MYO1C: variants seen among roughly 807,000 people sequenced by gnomAD.
MYO1C encodes myosin IC, also known as unconventional myosin-Ic.
MYO1C carries 104 observed loss-of-function variants against 150.8 expected under a neutral mutation model. The ratio of observed to expected loss-of-function variants is 0.69; its 90% CI spans 0.59 to 0.81. The LOEUF is 0.81. Among genes scored for constraint, MYO1C ranks in the 30% least tolerant of loss-of-function variants. The pLI is 0.00. For synonymous variants in MYO1C, 663 were observed against 579.9 expected (o/e 1.14, Z -2.06); for missense variants, 1,504 against 1,435.0 (o/e 1.05, Z -0.78).
At chr17:1,486,894 C>G (rs2074667057) in intron 1 of MYO1C, 1 of 152,366 alleles carries the variant, frequency 6.6e-6, no homozygotes, top group Non-Finnish European at 1.5e-5. Context: ...GAAGCGGCCT[C>G]GGCAGAACCT....
chr17:1,465,788 G>A, intron 31 of MYO1C, 36 bp from the exon 32 acceptor site: 1 of 1,312,986 alleles, frequency 7.6e-7, no homozygotes, highest in Non-Finnish European at 9.8e-7. Flanking sequence ...AGTGGTGAGG[G>A]GAGCAGACGG....
intron 25 of MYO1C, 131 bp from the exon 26 acceptor site, chr17:1,468,627 G>A (rs2074232629): frequency 2.7e-6 from 2 of 728,928 alleles, no homozygotes; most frequent in Non-Finnish European, 4.8e-6. Context: ...AGCACCAGGA[G>A]GCTGAGCCCT....
chr17:1,464,769 C>T lies in MYO1C; in HGVS notation c.*957G>A, dbSNP rs1437545079. The T allele has an allele frequency of 6.6e-6, 1 of 152,314 alleles. No homozygotes were observed. Among genetic ancestry groups the T allele is most frequent in the Admixed American group, 6.6e-5 (1 of 15,242 alleles). The allele number at this position is 152,314 out of a possible 1,614,324, so 9.4% of individuals were successfully genotyped here. A position where few individuals can be genotyped will look rare whatever the true frequency, so the allele number is the denominator to read the frequency against. The stretch of plus-strand genomic sequence containing the variant: ...ATGGTCTAAGACGGCCTTCCCCACT[C>T]CAGCACTGCCTCAAACTGGGATGAT... On this transcript the variant is annotated 3_prime_UTR_variant, in exon 32 of 32. Transcript: ENST00000648651.
In MYO1C at chr17:1,482,873, G is replaced by C. The variant is rs1401962450; in HGVS notation, c.534C>G (p.Asn178Lys). 1 of 1,215,074 alleles carries C rather than the reference G, an allele frequency of 8.2e-7. No homozygotes were observed. The highest frequency in any genetic ancestry group is 1.1e-6 in the Non-Finnish European group (1 of 931,060). The allele number at this position is 1,215,074 out of a possible 1,614,324, so 75.3% of individuals were successfully genotyped here. ...CCCTGCCCCTCACCTCCAGCACCGGGTTGCTCTGTAGCAGCCGGTCCCGCA... is the reference window on the plus strand; with the variant it reads ...CCCTGCCCCTCACCTCCAGCACCGGCTTGCTCTGTAGCAGCCGGTCCCGCA... ...GAVRDRLLQS[N>K]PVLEAFGNAK... The change falls in exon 4 of 32, where the codon AAC (asparagine) becomes AAG (lysine). Residue 178 changes from asparagine (N) to lysine (K), a missense_variant. Coordinates refer to ENST00000648651, the MANE Select transcript of MYO1C (RefSeq NM_001080779.2).
rs377743714 is a variant in MYO1C at position 1,472,053 on chromosome 17, G to C, written c.1904-29C>G. 14 of 1,610,702 alleles carry C rather than the reference G, an allele frequency of 8.7e-6. No individual in the cohort carries two copies. The African/African-American group carries it at 9.5e-5, about 11-fold the overall frequency. ...GGGTAGGGGGAGCGCCGTGGTCAGC[G>C]GGCTGGCGCTGACGGCCTGTCTCCT... On this transcript the variant is annotated intron_variant, in intron 18 of 31. Transcript: ENST00000648651.
chr17:1,468,380 G>A, intron 26 of MYO1C, 23 bp downstream of exon 26: 1 of 1,613,570 alleles, frequency 6.2e-7, no homozygotes, highest in Non-Finnish European at 8.5e-7. Flanking sequence ...AAAGGTCTGA[G>A]TGCTGGAAAG....
At chr17:1,472,359 C>T in intron 17 of MYO1C, 131 bp from the exon 18 acceptor site, 1 of 749,098 alleles carries the variant, frequency 1.3e-6, no homozygotes, top group Non-Finnish European at 2.2e-6. Context: ...CTTACTCCTC[C>T]CACCACAGCT....
rs1005556011 is a variant in MYO1C, at chr17:1,484,945, C to A, written c.76-642G>T. 16 of 457,300 alleles carry A rather than the reference C, an allele frequency of 3.5e-5. 1 individual carries two copies. Among genetic ancestry groups the A allele is most frequent in the South Asian group, 2.5e-4 (16 of 63,900 alleles). 28.3% of individuals were successfully genotyped at this position (457,300 alleles called of 1,614,324 possible). On this transcript the variant is annotated intron_variant, in intron 1 of 31. Transcript: ENST00000648651. ...AGCAAGAGGTTACTCCCAGACTACA[C>A]CAGAGGGGTTCCCCCAGAGGGCCTC...
chr17:1,490,484 C>T (rs1015419373), intron 1 of MYO1C, among the ~76,000 whole-genome samples: 2 of 152,058 alleles, frequency 1.3e-5, no homozygotes, highest in Admixed American at 6.6e-5. Flanking sequence ...GGCAACAGAG[C>T]GAGACTCCAT....
chr17:1,487,638 C>G (rs905228786), intron 1 of MYO1C, among the ~76,000 whole-genome samples: 2 of 152,190 alleles, frequency 1.3e-5, no homozygotes, highest in East Asian at 3.9e-4. Flanking sequence ...AGAGGGAGGG[C>G]CGGGCGCGGT....
chr17:1,468,693 C>T (rs2074234268), intron 25 of MYO1C, 197 bp from the exon 26 acceptor site: 2 of 612,062 alleles, frequency 3.3e-6, no homozygotes, highest in East Asian at 5.5e-5. Context: ...CCACCAAGCA[C>T]TCCCCAGCGG....
At position 1,467,885 on chromosome 17, in the gene MYO1C, G is replaced by A. The variant is rs2074211900; in HGVS notation, c.2922C>T (p.Asp974=). ...LTGISVSSLS[D]SLFVLHVQRA... is the part of the protein sequence containing the mutation. ...GCTGTACATGAAGCACAAAAAGACT[G>A]TCGCTCAGGCTGCTGACAGAGATTC... The change falls in exon 29 of 32, where the codon GAC becomes GAT. Residue 974 remains aspartate (D), a synonymous_variant. Coordinates refer to ENST00000648651, the MANE Select transcript of MYO1C (RefSeq NM_001080779.2). The A allele has an allele frequency of 1.2e-6, 2 of 1,610,800 alleles. No individual in the cohort carries two copies. The highest frequency in any genetic ancestry group is 1.4e-5 in the African/African-American group (1 of 73,898).
Position 1,480,860 on chromosome 17 carries a change from A to T in MYO1C, c.653T>A (p.Leu218His). 1 of 1,614,044 alleles carries T rather than the reference A, an allele frequency of 6.2e-7. No individual in the cohort carries two copies. Among genetic ancestry groups the T allele is most frequent in the Non-Finnish European group, 8.5e-7 (1 of 1,180,012 alleles). Reference protein sequence around the residue: ...FKGAPVGGHILSYLLEKSRVV... With the variant: ...FKGAPVGGHIHSYLLEKSRVV... ...TCGTGACTTTTCCAGGAGGTAACTG[A>T]GGATGTGGCCACCCACGGGGGCACC... Residue 218 changes from leucine (L) to histidine (H), a missense_variant, in exon 6 of 32, where the codon CTC becomes CAC. Coordinates refer to ENST00000648651, the MANE Select transcript of MYO1C (RefSeq NM_001080779.2).
rs2286872 is a variant in MYO1C at position 1,474,590 on chromosome 17, C to G, written c.1797+20G>C. On this transcript the variant is annotated intron_variant, in intron 17 of 31. Coordinates refer to ENST00000648651, the MANE Select transcript of MYO1C (RefSeq NM_001080779.2). Reference sequence around the variant, plus strand: ...ACTCAGGCGCATGCACCCCTGCGCCCGGTCCCGCCACCTCCTCACCGTCTC... The same window carrying G: ...ACTCAGGCGCATGCACCCCTGCGCCGGGTCCCGCCACCTCCTCACCGTCTC... 2.4e-3 allele frequency: 3,931 copies of G among 1,612,572 alleles called. 20 individuals carry two copies. The highest frequency in any genetic ancestry group is 2.1e-3 in the Non-Finnish European group (2,425 of 1,179,644).
intron 22 of MYO1C, 38 bp downstream of exon 22, chr17:1,470,583 A>G (rs2074281070): frequency 1.5e-6 from 2 of 1,296,738 alleles, no homozygotes; most frequent in East Asian, 2.5e-5. Flanking sequence ...CCCTGGCCCC[A>G]GACCCCGCCC....
intron 17 of MYO1C, among the ~76,000 whole-genome samples, chr17:1,472,777 C>T (rs903159809): frequency 6.7e-6 from 1 of 150,024 alleles, no homozygotes; most frequent in African/African-American, 2.5e-5. Flanking sequence ...CTGGAAATGA[C>T]GCTCTGCTGA....
intron 1 of MYO1C, among the ~76,000 whole-genome samples, chr17:1,487,908 G>A (rs1455681882): frequency 2.0e-5 from 3 of 152,194 alleles, no homozygotes; most frequent in South Asian, 2.1e-4. Flanking sequence ...GCGACAGAGC[G>A]AAGCTCCGTC....
chr17:1,466,489 C>A (rs1010721339), intron 31 of MYO1C, among the ~76,000 whole-genome samples: 1 of 152,158 alleles, frequency 6.6e-6, no homozygotes, highest in African/African-American at 2.4e-5. Flanking sequence ...CGCCACCACA[C>A]TCGGCTAATT....
At chr17:1,472,357 T>C in intron 17 of MYO1C, 129 bp from the exon 18 acceptor site, 2 of 759,166 alleles carry the variant, frequency 2.6e-6, no homozygotes, top group African/African-American at 1.7e-5. Context: ...TCCTTACTCC[T>C]CCCACCACAG....
Sources: gnomAD v4.1 joint callset for allele counts (sites outside exome capture counted in the v4.1 genomes callset) on GRCh38, gnomAD v4.1.1 for gene constraint, MANE v1.5 for transcripts, NCBI Gene and HGNC (gene_info 2026-07-23, HGNC 2026-07-21) for gene names.